Variants in AKAP8 observed in about 807,000 individuals in gnomAD.
AKAP8 encodes the protein A-kinase anchor protein 8.
In AKAP8, 24 loss-of-function variants were observed where a neutral mutation model predicts 67.5. That is an observed-to-expected ratio of 0.36 (90% confidence interval 0.26 to 0.50). The LOEUF (loss-of-function observed/expected upper bound fraction) is 0.50, where lower values mean the gene tolerates loss of function less well. Among genes scored for constraint, AKAP8 ranks in the 20% least tolerant of loss-of-function variants. The probability of loss-of-function intolerance (pLI) is 0.97; values close to 1 mark genes in which losing one functional copy is unlikely to be tolerated. For synonymous variants in AKAP8, 400 were observed against 371.1 expected (o/e 1.08, Z -0.90); for missense variants, 971 against 955.9 (o/e 1.02, Z -0.21).
In AKAP8 at chr19:15,358,359, C is replaced by CT. The variant is rs764788121; in HGVS notation, c.1623+607dup. On this transcript the variant is annotated intron_variant, in intron 13 of 13. Transcript: ENST00000269701. The stretch of plus-strand genomic sequence containing the variant: ...GGAAAATTCTCATGTACCTTGGATT[C>CT]TTTTTTTTTTTTTGAAATGGGGTCT... Among the ~76,000 whole-genome samples, 799 of 143,922 alleles carry CT rather than the reference C, an allele frequency of 5.6e-3. 1 individual carries two copies. Among genetic ancestry groups the CT allele is most frequent in the East Asian group, 0.021 (105 of 4,956 alleles). The allele number at this position is 143,922 out of a possible 152,430, so 94.4% of individuals were successfully genotyped here.
chr19:15,361,846 A>G, intron 10 of AKAP8, 24 bp from the exon 11 acceptor site: 1 of 1,597,912 alleles, frequency 6.3e-7, no homozygotes, highest in Non-Finnish European at 8.6e-7. Context: ...GAGAGGGCAT[A>G]AAGTAAAATG....
intron 9 of AKAP8, among the ~76,000 whole-genome samples, chr19:15,365,760 T>C (rs995652467): frequency 1.3e-5 from 2 of 152,086 alleles, no homozygotes; most frequent in African/African-American, 4.8e-5. Context: ...CGGTGGTTCA[T>C]GCCTGTACTC....
At chr19:15,375,927 C>G (rs1487320166) in intron 2 of AKAP8, among the ~76,000 whole-genome samples, 1 of 151,446 alleles carries the variant, frequency 6.6e-6, no homozygotes, top group Non-Finnish European at 1.5e-5. Context: ...CGTGAGCCAC[C>G]GTGCCTGGCC....
At chr19:15,360,514 G>A (rs1026957867) in intron 12 of AKAP8, among the ~76,000 whole-genome samples, 1 of 152,206 alleles carries the variant, frequency 6.6e-6, no homozygotes. Context: ...GACAGAACCA[G>A]TCCTTTAGTC....
Position 15,379,750 on chromosome 19 carries a change from C to A in AKAP8, c.-19G>T. The A allele has an allele frequency of 6.2e-7, 1 of 1,610,994 alleles. No homozygotes were observed. Among genetic ancestry groups the A allele is most frequent in the Non-Finnish European group, 8.5e-7 (1 of 1,178,886 alleles). ...GGTCCATGTCTTCGACGCGGCCCAC[C>A]AGCAGCCCCGTTTACTAGGCGACCA... is the stretch of plus-strand genomic sequence containing the variant. On this transcript the variant is annotated 5_prime_UTR_variant, in exon 1 of 14. Transcript: ENST00000269701.
chr19:15,363,997 C>T (rs1045269505), intron 9 of AKAP8, among the ~76,000 whole-genome samples: 1 of 150,516 alleles, frequency 6.6e-6, no homozygotes, highest in Non-Finnish European at 1.5e-5. Context: ...ATCTCAAGTA[C>T]CCAGGGACAC....
rs571697117 is a variant in AKAP8 at position 15,360,757 on chromosome 19, T to C, written c.1527+91A>G. On this transcript the variant is annotated intron_variant, in intron 12 of 13. Coordinates refer to ENST00000269701, the MANE Select transcript of AKAP8 (RefSeq NM_005858.4). ...AGACTTGAAACATAGCAAGAACCCCTAAAGATGTTGTTATTCCCCATAAGA... is the reference window on the plus strand; with the variant it reads ...AGACTTGAAACATAGCAAGAACCCCCAAAGATGTTGTTATTCCCCATAAGA... 3.0e-4 allele frequency: 447 copies of C among 1,466,168 alleles called. 3 individuals carry two copies. The African/African-American group carries it at 5.8e-3, about 19-fold the overall frequency. The allele number at this position is 1,466,168 out of a possible 1,614,324, so 90.8% of individuals were successfully genotyped here.
chr19:15,361,268 G>GTT (rs1555753823), intron 11 of AKAP8, among the ~76,000 whole-genome samples: 2 of 151,362 alleles, frequency 1.3e-5, no homozygotes, highest in Non-Finnish European at 2.9e-5. Flanking sequence ...ACATCCGAAG[G>GTT]TTTCTTTCCA....
intron 9 of AKAP8, among the ~76,000 whole-genome samples, chr19:15,363,731 G>A (rs1297624007): frequency 6.6e-6 from 1 of 152,234 alleles, no homozygotes; most frequent in Admixed American, 6.5e-5. Context: ...GAAAGGTGGG[G>A]AAAAGATTGA....
Position 15,372,879 on chromosome 19 carries a change from G to T in AKAP8, c.833C>A (p.Ser278Ter). 1 of 1,501,534 alleles carries T rather than the reference G, an allele frequency of 6.7e-7. No individual in the cohort carries two copies. 93.0% of individuals were successfully genotyped at this position (1,501,534 alleles called of 1,614,324 possible). ...ATCCCGATCCCGCATCCGAGGCTGC[G>T]AGCGGCCACATCCGTAGGGCATGGT... Reference protein sequence around the residue: ...DSTMPYGCGRSQPRMRDRDRP... With the variant: ...DSTMPYGCGR The change falls in exon 5 of 14, where the codon TCG (serine) becomes TAG (stop). Residue 278 changes from serine (S) to a stop codon, truncating the protein, a stop_gained. Transcript: ENST00000269701. LOFTEE classifies it high-confidence loss of function.
In AKAP8 at chr19:15,372,220, T is replaced by C; in HGVS notation, c.989A>G (p.Asn330Ser). 4 of 1,614,172 alleles carry C rather than the reference T, an allele frequency of 2.5e-6. No individual in the cohort carries two copies. The highest frequency in any genetic ancestry group is 1.1e-5 in the South Asian group (1 of 91,086). The change falls in exon 6 of 14, where the codon AAT becomes AGT. Residue 330 changes from asparagine to serine, a missense_variant and splice_region_variant. By Grantham distance (46) the Asn-to-Ser change is conservative. Around this residue, in one of 3 missense-constraint regions of AKAP8, gnomAD observed 763 missense variants for 745.4 expected, o/e 1.02. Transcript: ENST00000269701. ...RVDSEGDFSE[N>S]DDAAGDFRSG... ...CCCACCTGGCCCCCAGGACATACCA[T>C]TTTCGGAGAAATCTCCTTCACTGTC... is the stretch of plus-strand genomic sequence containing the variant.
At chr19:15,373,652 C>A in intron 4 of AKAP8, 134 bp downstream of exon 4, 2 of 1,169,858 alleles carry the variant, frequency 1.7e-6, no homozygotes, top group East Asian at 2.6e-5. Flanking sequence ...TGACCCCCCA[C>A]GAGCCCAACT....
In AKAP8 at chr19:15,369,572, G is replaced by C. The variant is rs1296673993; in HGVS notation, c.1072+574C>G. 1.3e-5 allele frequency among the ~76,000 whole-genome samples: 2 copies of C among 152,200 alleles called. No homozygotes were observed. The highest frequency in any genetic ancestry group is 2.9e-5 in the Non-Finnish European group (2 of 68,034). On this transcript the variant is annotated intron_variant, in intron 8 of 13. Transcript: ENST00000269701. The surrounding 1 kb of genome is among the most constrained non-coding windows in gnomAD (Gnocchi z 4.6). ...GTTGCTGCAGACCCTCTGGTCTCCT[G>C]CATTGGACATGAAGAGACCTGCTGA... is the stretch of plus-strand genomic sequence containing the variant.
In AKAP8 at chr19:15,369,996, C is replaced by T. The variant is rs559230044; in HGVS notation, c.1072+150G>A. 76 of 894,964 alleles carry T rather than the reference C, an allele frequency of 8.5e-5. No individual in the cohort carries two copies. Among genetic ancestry groups the T allele is most frequent in the South Asian group, 6.5e-4 (46 of 70,652 alleles). 55.4% of individuals were successfully genotyped at this position (894,964 alleles called of 1,614,324 possible). A position where few individuals can be genotyped will look rare whatever the true frequency, so the allele number is the denominator to read the frequency against. ...GAAGCAAAGTGTTGGCTGATCGCCA[C>T]GGTCAAGGCCCATCTGGTGGCTGCA... On this transcript the variant is annotated intron_variant, in intron 8 of 13. Transcript: ENST00000269701. The surrounding 1 kb of genome is among the most constrained non-coding windows in gnomAD (Gnocchi z 4.6).
intron 9 of AKAP8, among the ~76,000 whole-genome samples, chr19:15,363,373 G>A (rs1197235385): frequency 5.9e-5 from 6 of 102,454 alleles, no homozygotes; most frequent in South Asian, 3.5e-4. Flanking sequence ...TCAGCCCCCC[G>A]CCCGGCCAGC....
intron 9 of AKAP8, among the ~76,000 whole-genome samples, chr19:15,367,715 T>C (rs756708530): frequency 5.9e-5 from 9 of 152,206 alleles, no homozygotes; most frequent in Non-Finnish European, 1.3e-4. Flanking sequence ...GCAATCCTTT[T>C]CTATTGTGGG....
At chr19:15,366,960 T>C (rs1015633057) in intron 9 of AKAP8, among the ~76,000 whole-genome samples, 3 of 151,886 alleles carry the variant, frequency 2.0e-5, no homozygotes, top group African/African-American at 4.8e-5. Context: ...CAGGCTGGAG[T>C]GCAGTGGTGC....
rs778315879 is a variant in AKAP8 at position 15,372,849 on chromosome 19, ACCCGAT to A, written c.857_861+1del. 3 of 1,500,670 alleles carry A rather than the reference ACCCGAT, an allele frequency of 2.0e-6. No individual in the cohort carries two copies. Among genetic ancestry groups the A allele is most frequent in the African/African-American group, 1.4e-5 (1 of 71,390 alleles). 93.0% of individuals were successfully genotyped at this position (1,500,670 alleles called of 1,614,324 possible). ...GCCGGAAGGAACCTTGCGAGGGCTT[ACCCGAT>A]CCCGATCCCGCATCCGAGGCTGCGA... On this transcript the variant is annotated splice_donor_variant and coding_sequence_variant, in exon 5 of 14. Transcript: ENST00000269701. LOFTEE classifies it high-confidence loss of function.
chr19:15,354,529 T>C lies in AKAP8; in HGVS notation c.*386A>G, dbSNP rs1228681802. 8 of 213,774 alleles carry C rather than the reference T, an allele frequency of 3.7e-5. No individual in the cohort carries two copies. Among genetic ancestry groups the C allele is most frequent in the African/African-American group, 6.9e-5 (3 of 43,310 alleles). 13.2% of individuals were successfully genotyped at this position (213,774 alleles called of 1,614,324 possible). On this transcript the variant is annotated 3_prime_UTR_variant, in exon 14 of 14. Transcript: ENST00000269701. ...TCTATAGAGCAAGATATATTCCTAG[T>C]ATTCAGCTGTTCCCAACCAAATAAA...
Sources: allele counts gnomAD v4.1 joint callset (sites outside exome capture counted in the v4.1 genomes callset), GRCh38; gene constraint gnomAD v4.1.1; regional missense constraint gnomAD v4.1.1; non-coding constraint Gnocchi (gnomAD v3.1); transcripts MANE v1.5; gene names NCBI Gene and HGNC (gene_info 2026-07-23, HGNC 2026-07-21).